The following DOK6 variants were observed in gnomAD, a reference collection of about 807,000 sequenced individuals.
DOK6 encodes the protein docking protein 6, also known as downstream of tyrosine kinase 6.
Under a neutral mutation model 44.0 loss-of-function variants are expected in DOK6, and 22 were observed. The ratio of observed to expected loss-of-function variants is 0.50; its 90% CI spans 0.36 to 0.71. The LOEUF is 0.71. DOK6 is among the 30% of genes least tolerant of loss of function. The pLI is 0.00. For synonymous variants in DOK6, 166 were observed against 145.5 expected (o/e 1.14, Z -1.01); for missense variants, 340 against 416.4 (o/e 0.82, Z 1.60).
chr18:69,420,212 C>T (rs553046790), intron 1 of DOK6, among the ~76,000 whole-genome samples: 2 of 151,824 alleles, frequency 1.3e-5, no homozygotes, highest in East Asian at 3.9e-4. Context: ...AAAAATTAGT[C>T]CTGCATTGTC....
intron 3 of DOK6, among the ~76,000 whole-genome samples, chr18:69,612,892 T>A (rs1984194734): frequency 6.6e-6 from 1 of 151,470 alleles, no homozygotes; most frequent in East Asian, 1.9e-4. Flanking sequence ...TCTTTTTTTT[T>A]GCCTTTTGAG....
At chr18:69,829,983 AT>A (rs1362287008) in intron 7 of DOK6, among the ~76,000 whole-genome samples, 4 of 152,118 alleles carry the variant, frequency 2.6e-5, no homozygotes, top group African/African-American at 4.8e-5. Flanking sequence ...ATTAAAACTA[AT>A]TTTTTTGACA....
chr18:69,540,911 T>C (rs1252143261), intron 1 of DOK6, among the ~76,000 whole-genome samples: 1 of 152,150 alleles, frequency 6.6e-6, no homozygotes, highest in Admixed American at 6.6e-5. Context: ...ACCACACAAA[T>C]CATAGTTCTG....
chr18:69,685,220 T>C (rs1273661796), intron 4 of DOK6, among the ~76,000 whole-genome samples: 2 of 152,300 alleles, frequency 1.3e-5, no homozygotes, highest in East Asian at 1.9e-4. Context: ...TAAGTTTCGA[T>C]TATCCATTTT....
Position 69,500,024 on chromosome 18 carries a change from A to G in DOK6, c.67-64463A>G, listed in dbSNP as rs538396142. Among the ~76,000 whole-genome samples the G allele has an allele frequency of 1.7e-3, 256 of 152,256 alleles. 1 individual carries two copies. The highest frequency in any genetic ancestry group is 5.9e-3 in the African/African-American group (247 of 41,556). ...ATGTAAATGGATAATATTAGTACCA[A>G]TCTGACTTCCTGGCTTCCCTTTACA... is the stretch of plus-strand genomic sequence containing the variant. On this transcript the variant is annotated intron_variant, in intron 1 of 7. Transcript: ENST00000382713.
chr18:69,693,795 A>T (rs1300995477), intron 4 of DOK6, among the ~76,000 whole-genome samples: 1 of 151,934 alleles, frequency 6.6e-6, no homozygotes, highest in Non-Finnish European at 1.5e-5. Flanking sequence ...GCGGTGGTTC[A>T]CGCCTGTAAT....
intron 1 of DOK6, among the ~76,000 whole-genome samples, chr18:69,416,105 AGAGGGATGGAGG>A (rs1420001481): frequency 6.4e-5 from 8 of 125,372 alleles, no homozygotes; most frequent in African/African-American, 2.4e-4. Flanking sequence ...AGGGAGGGAG[AGAGGGATGGAGG>A]GAGGGACGGA....
intron 1 of DOK6, among the ~76,000 whole-genome samples, chr18:69,417,573 T>C (rs1453992963): frequency 6.6e-6 from 1 of 152,178 alleles, no homozygotes. Context: ...CTTTTGTATA[T>C]ATACCCAGAG....
intron 3 of DOK6, among the ~76,000 whole-genome samples, chr18:69,606,953 A>G (rs1393525439): frequency 5.3e-5 from 8 of 152,174 alleles, no homozygotes; most frequent in African/African-American, 1.9e-4. Context: ...CAAAATACTT[A>G]TGAGTAAATT....
chr18:69,468,026 T>C (rs1979978180), intron 1 of DOK6, among the ~76,000 whole-genome samples: 1 of 152,156 alleles, frequency 6.6e-6, no homozygotes, highest in South Asian at 2.1e-4. Context: ...TATTTTCAAA[T>C]GAAATGCAAA....
intron 6 of DOK6, among the ~76,000 whole-genome samples, chr18:69,748,598 A>T (rs188497806): frequency 6.6e-6 from 1 of 152,336 alleles, no homozygotes; most frequent in East Asian, 1.9e-4. Flanking sequence ...ATGGAAATTG[A>T]ACAACCTGCT....
At chr18:69,423,316 C>CAAAT (rs1978548077) in intron 1 of DOK6, among the ~76,000 whole-genome samples, 1 of 151,682 alleles carries the variant, frequency 6.6e-6, no homozygotes, top group South Asian at 2.1e-4. Context: ...AACAAACAAA[C>CAAAT]AAAAACAACA....
intron 1 of DOK6, among the ~76,000 whole-genome samples, chr18:69,497,589 G>C (rs1370605196): frequency 1.3e-5 from 2 of 152,180 alleles, no homozygotes; most frequent in Non-Finnish European, 2.9e-5. Context: ...TGAACTCCAA[G>C]TTGATAGTCA....
chr18:69,547,018 G>A (rs1982424501), intron 1 of DOK6, among the ~76,000 whole-genome samples: 1 of 151,580 alleles, frequency 6.6e-6, no homozygotes, highest in Non-Finnish European at 1.5e-5. Context: ...GGAAGGTGAA[G>A]TGGGAGCAGA....
At chr18:69,774,131 G>GATATATATATAT (rs1212221255) in intron 7 of DOK6, among the ~76,000 whole-genome samples, 1 of 13,860 alleles carries the variant, frequency 7.2e-5, no homozygotes, top group Non-Finnish European at 3.9e-4. Flanking sequence ...ATATATATAT[G>GATATATATATAT]AGATATATAT....
intron 1 of DOK6, among the ~76,000 whole-genome samples, chr18:69,470,761 T>A (rs1980076245): frequency 6.6e-6 from 1 of 152,202 alleles, no homozygotes; most frequent in East Asian, 1.9e-4. Context: ...GTGGAAAAGA[T>A]GCTGGTAAAC....
At chr18:69,559,201 C>G (rs1982765764) in intron 1 of DOK6, among the ~76,000 whole-genome samples, 1 of 152,060 alleles carries the variant, frequency 6.6e-6, no homozygotes, top group South Asian at 2.1e-4. Flanking sequence ...TGCCTTCTGG[C>G]TCATGTTTAA....
intron 1 of DOK6, among the ~76,000 whole-genome samples, chr18:69,555,607 G>A (rs1442660): frequency 0.49 from 74,423 of 151,918 alleles, 18,365 homozygotes; most frequent in Middle Eastern, 0.65. Flanking sequence ...CTGATTCTAC[G>A]GTGTCTTAAT....
intron 1 of DOK6, among the ~76,000 whole-genome samples, chr18:69,458,284 T>C (rs1203232427): frequency 6.6e-6 from 1 of 152,150 alleles, no homozygotes; most frequent in African/African-American, 2.4e-5. Context: ...TAAAAAGAAT[T>C]AAAAGCAAAA....
Sources: allele counts gnomAD v4.1 joint callset (sites outside exome capture counted in the v4.1 genomes callset), GRCh38; gene constraint gnomAD v4.1.1; transcripts MANE v1.5; gene names NCBI Gene and HGNC (gene_info 2026-07-23, HGNC 2026-07-21).